The following CDK14 variants were observed in gnomAD, a reference collection of about 807,000 sequenced individuals.
CDK14 encodes cyclin dependent kinase 14, also known as cyclin-dependent kinase 14.
CDK14 carries 34 observed loss-of-function variants against 60.7 expected under a neutral mutation model. The ratio of observed to expected loss-of-function variants is 0.56; its 90% CI spans 0.43 to 0.75. CDK14 has a LOEUF of 0.75. CDK14 is among the 30% of genes least tolerant of loss of function. The pLI is 0.00. For missense variants in CDK14, 482 were observed against 564.1 expected, an observed-to-expected ratio of 0.85 and a Z score of 1.47; for synonymous variants, 197 against 203.7, an observed-to-expected ratio of 0.97 and a Z score of 0.28.
intron 2 of CDK14, among the ~76,000 whole-genome samples, chr7:90,652,721 C>T (rs1197282518): frequency 1.3e-5 from 2 of 152,148 alleles, no homozygotes; most frequent in African/African-American, 4.8e-5. Context: ...TTCTTTAATT[C>T]TTACAATTCT....
At chr7:90,915,126 G>C (rs1016219596) in intron 7 of CDK14, among the ~76,000 whole-genome samples, 2 of 152,086 alleles carry the variant, frequency 1.3e-5, no homozygotes, top group Non-Finnish European at 2.9e-5. Context: ...AGTAGGCAAA[G>C]GGAAGAGAGG....
intron 2 of CDK14, among the ~76,000 whole-genome samples, chr7:90,702,091 A>G (rs990990933): frequency 1.3e-5 from 2 of 152,162 alleles, no homozygotes; most frequent in African/African-American, 4.8e-5. Flanking sequence ...AGCCCTCCTT[A>G]GACTGCAGTG....
intron 2 of CDK14, among the ~76,000 whole-genome samples, chr7:90,604,849 T>A (rs1215133275): frequency 6.6e-6 from 1 of 152,232 alleles, no homozygotes; most frequent in Non-Finnish European, 1.5e-5. Flanking sequence ...TCCTGAATTT[T>A]TGTAGTATAA....
At chr7:90,855,907 C>T (rs1252932704) in intron 5 of CDK14, among the ~76,000 whole-genome samples, 1 of 152,000 alleles carries the variant, frequency 6.6e-6, no homozygotes, top group African/African-American at 2.4e-5. Context: ...AAATAGGTAT[C>T]GATGCTAAGG....
chr7:90,645,634 G>C (rs1800448874), intron 2 of CDK14, among the ~76,000 whole-genome samples: 1 of 151,758 alleles, frequency 6.6e-6, no homozygotes, highest in Non-Finnish European at 1.5e-5. Context: ...TCTGTCATCA[G>C]TCTTTTAAAA....
intron 11 of CDK14, among the ~76,000 whole-genome samples, chr7:91,047,500 T>A (rs191701970): frequency 6.6e-6 from 1 of 152,348 alleles, no homozygotes; most frequent in East Asian, 1.9e-4. Context: ...TCATTGTACA[T>A]ATGTGGTGTT....
intron 7 of CDK14, among the ~76,000 whole-genome samples, chr7:90,899,827 A>G (rs890820929): frequency 2.6e-5 from 4 of 152,160 alleles, no homozygotes; most frequent in Admixed American, 2.6e-4. Context: ...TAGTAGAAAT[A>G]TTACTACCGA....
At chr7:91,087,559 T>A (rs1798676251) in intron 12 of CDK14, among the ~76,000 whole-genome samples, 1 of 152,206 alleles carries the variant, frequency 6.6e-6, no homozygotes, top group Admixed American at 6.5e-5. Context: ...GATTATTGTT[T>A]AATCTTTAAG....
At chr7:91,175,900 T>C (rs1197531449) in intron 14 of CDK14, among the ~76,000 whole-genome samples, 6 of 148,216 alleles carry the variant, frequency 4.0e-5, no homozygotes, top group South Asian at 2.2e-4. Flanking sequence ...GACAGATCAA[T>C]GAGACAGAAA....
chr7:90,611,177 A>G (rs1036588875), intron 2 of CDK14, among the ~76,000 whole-genome samples: 6 of 151,734 alleles, frequency 4.0e-5, no homozygotes, highest in African/African-American at 1.2e-4. Context: ...CTTTTTCTAG[A>G]TACTTTCACC....
chr7:90,732,938 T>C (rs1247215778), intron 3 of CDK14, among the ~76,000 whole-genome samples: 1 of 150,522 alleles, frequency 6.6e-6, no homozygotes, highest in Non-Finnish European at 1.5e-5. Flanking sequence ...TGTTAGGGTG[T>C]CAATTTTAGA....
intron 14 of CDK14, among the ~76,000 whole-genome samples, chr7:91,191,383 A>G (rs957613193): frequency 2.0e-5 from 3 of 152,130 alleles, no homozygotes; most frequent in African/African-American, 7.2e-5. Context: ...CAAGGAAGAC[A>G]TGTCAAATGA....
At chr7:91,116,502 C>T (rs1158923904) in intron 13 of CDK14, among the ~76,000 whole-genome samples, 1 of 152,146 alleles carries the variant, frequency 6.6e-6, no homozygotes, top group Non-Finnish European at 1.5e-5. Flanking sequence ...GTCGATTTTC[C>T]CACATATTCC....
At chr7:90,954,424 TAGAA>T (rs1277898908) in intron 8 of CDK14, among the ~76,000 whole-genome samples, 9 of 152,218 alleles carry the variant, frequency 5.9e-5, no homozygotes, top group African/African-American at 2.2e-4. Flanking sequence ...TACAGCTAGA[TAGAA>T]AGCTGTCACA....
At position 90,858,339 on chromosome 7, in the gene CDK14, G is replaced by T. The variant is rs1790896678; in HGVS notation, c.545-4836G>T. Among the ~76,000 whole-genome samples, 7 of 152,152 alleles carry T rather than the reference G, an allele frequency of 4.6e-5. 1 individual carries two copies. The highest frequency in any genetic ancestry group is 4.6e-4 in the Admixed American group (7 of 15,266). On this transcript the variant is annotated intron_variant, in intron 5 of 14. Coordinates refer to ENST00000380050, the MANE Select transcript of CDK14 (RefSeq NM_001287135.2). ...ACTTTGAGAAGTGAGAAACAATTTA[G>T]GTGTAAGTGGTAAGAGAAGAAAGGC...
At chr7:90,807,051 G>A (rs1399806486) in intron 5 of CDK14, among the ~76,000 whole-genome samples, 1 of 152,238 alleles carries the variant, frequency 6.6e-6, no homozygotes, top group Non-Finnish European at 1.5e-5. Flanking sequence ...GCAGGGCATA[G>A]CCAAACAAAA....
intron 8 of CDK14, among the ~76,000 whole-genome samples, chr7:90,931,806 G>C (rs1793600537): frequency 6.6e-6 from 1 of 151,902 alleles, no homozygotes; most frequent in Non-Finnish European, 1.5e-5. Flanking sequence ...GTGTGTTTTG[G>C]TGAGAAGTTT....
intron 5 of CDK14, among the ~76,000 whole-genome samples, chr7:90,796,211 A>G (rs1390946205): frequency 2.0e-5 from 3 of 152,136 alleles, no homozygotes; most frequent in Non-Finnish European, 4.4e-5. Context: ...GCCTCTGAAG[A>G]CTTTAGAGTT....
Position 90,663,964 on chromosome 7 carries a change from CT to C in CDK14, c.123+59717del, listed in dbSNP as rs1800918373. The stretch of plus-strand genomic sequence containing the variant: ...ATGTTTTTGCAATTAAACTAAAGAG[CT>C]TCTGCACAGCAAAAGAAACTACCAT... On this transcript the variant is annotated intron_variant, in intron 2 of 14. Transcript: ENST00000380050. 2.0e-5 allele frequency among the ~76,000 whole-genome samples: 3 copies of C among 151,842 alleles called. 1 individual carries two copies. The highest frequency in any genetic ancestry group is 4.4e-5 in the Non-Finnish European group (3 of 67,980).
Sources: allele counts gnomAD v4.1 joint callset (sites outside exome capture counted in the v4.1 genomes callset), GRCh38; gene constraint gnomAD v4.1.1; transcripts MANE v1.5; gene names NCBI Gene and HGNC (gene_info 2026-07-23, HGNC 2026-07-21).